ZNF385D: variants seen among roughly 807,000 people sequenced by gnomAD.
ZNF385D encodes zinc finger protein 659.
Under a neutral mutation model 35.8 loss-of-function variants are expected in ZNF385D, and 15 were observed. The ratio of observed to expected loss-of-function variants is 0.42; its 90% confidence interval spans 0.28 to 0.64. The LOEUF (loss-of-function observed/expected upper bound fraction) is 0.64, where lower values mean the gene tolerates loss of function less well. Ranked by LOEUF, ZNF385D falls within the 30% of genes least tolerant of loss-of-function variation. The probability of loss-of-function intolerance (pLI) is 0.23; values close to 1 mark genes in which losing one functional copy is unlikely to be tolerated. For missense variants in ZNF385D, 474 were observed against 494.6 expected, an observed-to-expected ratio of 0.96 and a Z score of 0.39; for synonymous variants, 212 against 186.8, an observed-to-expected ratio of 1.13 and a Z score of -1.10.
In ZNF385D at chr3:21,570,783, C is replaced by A. The variant is rs1261569498; in HGVS notation, c.166-6099G>T. On this transcript the variant is annotated intron_variant, in intron 2 of 7. Coordinates refer to ENST00000281523, the MANE Select transcript of ZNF385D (RefSeq NM_024697.3). ...ATACCCCTGTGCGTCTCTCAGGCAC[C>A]ATAATCAAGCTTTGTAATATTCATC... 2.6e-5 allele frequency among the ~76,000 whole-genome samples: 4 copies of A among 152,204 alleles called. No homozygotes were observed. In the South Asian group the frequency reaches 8.3e-4, roughly 32 times the overall value.
intron 3 of ZNF385D, among the ~76,000 whole-genome samples, chr3:21,884,686 G>A (rs762953754): frequency 6.6e-6 from 1 of 151,978 alleles, no homozygotes; most frequent in Non-Finnish European, 1.5e-5. Context: ...TTATTTGTGT[G>A]TATTTCATCT....
At chr3:21,567,927 G>GTAAT (rs2063205996) in intron 2 of ZNF385D, among the ~76,000 whole-genome samples, 2 of 152,046 alleles carry the variant, frequency 1.3e-5, no homozygotes, top group African/African-American at 2.4e-5. Context: ...TCGTGCAAAT[G>GTAAT]TAATATAGTC....
At chr3:21,654,065 A>C (rs894033323) in intron 2 of ZNF385D, among the ~76,000 whole-genome samples, 2 of 152,006 alleles carry the variant, frequency 1.3e-5, no homozygotes, top group Non-Finnish European at 2.9e-5. Context: ...AATCTATTGT[A>C]CAACTGGACT....
intron 2 of ZNF385D, chr3:22,169,082 A>C (rs1706519714): frequency 3.5e-6 from 3 of 853,752 alleles, no homozygotes; most frequent in Non-Finnish European, 4.2e-6. Flanking sequence ...AGATTTTTAG[A>C]TTACTGCATA....
chr3:22,335,203 A>G (rs771467158), intron 2 of ZNF385D, among the ~76,000 whole-genome samples: 10 of 152,194 alleles, frequency 6.6e-5, no homozygotes, highest in Non-Finnish European at 1.5e-4. Flanking sequence ...ACTCACAGAT[A>G]GGTCTTGGCC....
chr3:21,584,361 TG>T (rs1264811812), intron 2 of ZNF385D, among the ~76,000 whole-genome samples: 7 of 152,220 alleles, frequency 4.6e-5, no homozygotes, highest in Non-Finnish European at 1.0e-4. Flanking sequence ...AGACTTTGTC[TG>T]TGAGTGACTT....
chr3:21,468,647 AG>A (rs1479817119), intron 4 of ZNF385D, among the ~76,000 whole-genome samples: 1 of 151,732 alleles, frequency 6.6e-6, no homozygotes, highest in Non-Finnish European at 1.5e-5. Flanking sequence ...TAGTATGGGC[AG>A]GGGGCGGTGG....
At chr3:22,112,962 A>G (rs1248561842) in intron 3 of ZNF385D, among the ~76,000 whole-genome samples, 7 of 152,102 alleles carry the variant, frequency 4.6e-5, no homozygotes, top group African/African-American at 7.2e-5. Context: ...CCTCACAAGT[A>G]TAGAACTTTA....
At chr3:22,025,614 A>T (rs1478501022) in intron 3 of ZNF385D, among the ~76,000 whole-genome samples, 3 of 152,310 alleles carry the variant, frequency 2.0e-5, no homozygotes, top group Non-Finnish European at 2.9e-5. Flanking sequence ...AGGTTCTAAC[A>T]GTTTATTTGC....
intron 3 of ZNF385D, among the ~76,000 whole-genome samples, chr3:22,010,257 T>C (rs938961307): frequency 6.6e-6 from 1 of 152,190 alleles, no homozygotes; most frequent in Non-Finnish European, 1.5e-5. Context: ...GGAGCCATTT[T>C]AGTACTTGTT....
chr3:22,077,101 A>G (rs1700502047), intron 3 of ZNF385D, among the ~76,000 whole-genome samples: 2 of 152,002 alleles, frequency 1.3e-5, no homozygotes, highest in African/African-American at 4.8e-5. Context: ...AAAATTAAAA[A>G]TATATATAAT....
chr3:22,010,008 A>C (rs920113760), intron 3 of ZNF385D, among the ~76,000 whole-genome samples: 1 of 152,170 alleles, frequency 6.6e-6, no homozygotes, highest in Non-Finnish European at 1.5e-5. Flanking sequence ...AAATTGAGGA[A>C]AACAGGTAAA....
intron 1 of ZNF385D, among the ~76,000 whole-genome samples, chr3:21,726,532 TAACA>T (rs770655735): frequency 4.6e-5 from 7 of 151,510 alleles, no homozygotes; most frequent in Non-Finnish European, 7.4e-5. Context: ...TGTACACCAA[TAACA>T]AACAGAGAGC....
At chr3:21,486,521 G>A (rs533906616) in intron 4 of ZNF385D, among the ~76,000 whole-genome samples, 47 of 152,188 alleles carry the variant, frequency 3.1e-4, no homozygotes, top group African/African-American at 1.1e-3. Flanking sequence ...CTTGCAAACA[G>A]GTAGGGCTAA....
intron 2 of ZNF385D, among the ~76,000 whole-genome samples, chr3:22,200,200 A>C (rs529443666): frequency 6.6e-6 from 1 of 152,212 alleles, no homozygotes; most frequent in South Asian, 2.1e-4. Context: ...TTCACTTTTC[A>C]TTAAACTTTC....
At chr3:22,334,394 A>G (rs1695073938) in intron 2 of ZNF385D, among the ~76,000 whole-genome samples, 1 of 152,114 alleles carries the variant, frequency 6.6e-6, no homozygotes, top group Non-Finnish European at 1.5e-5. Flanking sequence ...AGTTCCATTT[A>G]CCCTTTCCAA....
At chr3:22,118,977 C>T (rs62246430) in intron 3 of ZNF385D, among the ~76,000 whole-genome samples, 17,093 of 152,066 alleles carry the variant, frequency 0.11, 1,761 homozygotes, top group African/African-American at 0.28. Flanking sequence ...TGATCAGAGA[C>T]ATAAGAAACT....
At chr3:22,110,837 G>A (rs1233523707) in intron 3 of ZNF385D, among the ~76,000 whole-genome samples, 1 of 151,922 alleles carries the variant, frequency 6.6e-6, no homozygotes, top group Non-Finnish European at 1.5e-5. Flanking sequence ...ACAGTGTGAT[G>A]TGTGAGGTGC....
At chr3:22,172,399 G>A (rs1359554989) in intron 2 of ZNF385D, among the ~76,000 whole-genome samples, 1 of 152,176 alleles carries the variant, frequency 6.6e-6, no homozygotes, top group African/African-American at 2.4e-5. Flanking sequence ...ATTAAAAAAT[G>A]TATGTGAGTT....
Sources: gnomAD v4.1 joint callset for allele counts (sites outside exome capture counted in the v4.1 genomes callset) on GRCh38, gnomAD v4.1.1 for gene constraint, MANE v1.5 for transcripts, NCBI Gene and HGNC (gene_info 2026-07-23, HGNC 2026-07-21) for gene names.